Variants in RBFOX1 observed in about 807,000 individuals in gnomAD.
The protein encoded by RBFOX1 is RNA binding fox-1 homolog 1.
Under a neutral mutation model 57.7 loss-of-function variants are expected in RBFOX1, and 8 were observed. The ratio of observed to expected loss-of-function variants is 0.14; its 90% CI spans 0.08 to 0.25. RBFOX1 has a LOEUF of 0.25. Among genes scored for constraint, RBFOX1 ranks in the 10% least tolerant of loss-of-function variants. RBFOX1 has a pLI of 1.00. For synonymous variants in RBFOX1, 326 were observed against 222.4 expected (o/e 1.47, Z -4.15); for missense variants, 611 against 548.5 (o/e 1.11, Z -1.14).
chr16:5,339,470 G>GTTTTTTT (rs560472298), intron 1 of RBFOX1, among the ~76,000 whole-genome samples: 3,094 of 40,860 alleles, frequency 0.076, 1,035 homozygotes, highest in Non-Finnish European at 0.11. Flanking sequence ...CTTTTTCCGT[G>GTTTTTTT]TTTTTTTTTT....
chr16:5,820,874 C>G lies in RBFOX1; in HGVS notation c.319-46429C>G, dbSNP rs1434630304. Among the ~76,000 whole-genome samples the G allele has an allele frequency of 2.6e-5, 4 of 152,150 alleles. No individual in the cohort carries two copies. In the East Asian group the frequency reaches 5.8e-4, roughly 22 times the overall value. ...TTTCATCTCAATTTCGGGAAGTCTT[C>G]TCTCCTCTCTGATTGATGGTTTTCC... On this transcript the variant is annotated intron_variant, in intron 3 of 19. Transcript: ENST00000641259.
chr16:7,453,337 G>A (rs2057774455), intron 4 of RBFOX1, among the ~76,000 whole-genome samples: 1 of 151,986 alleles, frequency 6.6e-6, no homozygotes, highest in Admixed American at 6.6e-5. Flanking sequence ...AGGAATGGAA[G>A]AGATCATTGT....
rs76734177 is a variant in RBFOX1 at position 7,638,331 on chromosome 16, G to A, written c.757+7648G>A. 5.3e-3 allele frequency among the ~76,000 whole-genome samples: 800 copies of A among 152,272 alleles called. 9 individuals are homozygous for A. Among genetic ancestry groups the A allele is most frequent in the African/African-American group, 0.017 (722 of 41,540 alleles). Reference sequence around the variant, plus strand: ...CAGGAGGAAATTTAGGCTTGGGGGCGTTAAGAAGCTTGTCCGAGATCACCC... The same window carrying A: ...CAGGAGGAAATTTAGGCTTGGGGGCATTAAGAAGCTTGTCCGAGATCACCC... On this transcript the variant is annotated intron_variant, in intron 11 of 15. Transcript: ENST00000550418.
intron 4 of RBFOX1, among the ~76,000 whole-genome samples, chr16:7,168,739 A>G (rs1244826836): frequency 4.6e-5 from 7 of 152,184 alleles, no homozygotes; most frequent in African/African-American, 1.7e-4. Flanking sequence ...AAAAATATCC[A>G]TAACACATTA....
At chr16:6,864,455 G>T (rs1453765027) in intron 3 of RBFOX1, among the ~76,000 whole-genome samples, 1 of 151,776 alleles carries the variant, frequency 6.6e-6, no homozygotes, top group East Asian at 1.9e-4. Flanking sequence ...ACATCATCAT[G>T]CCCGAAAAAG....
intron 11 of RBFOX1, among the ~76,000 whole-genome samples, chr16:7,638,848 T>C (rs536161220): frequency 6.6e-6 from 1 of 152,156 alleles, no homozygotes. Flanking sequence ...ACCCATCTCT[T>C]TGTCAGGCCG....
rs146987961 is a variant in RBFOX1 at position 6,381,653 on chromosome 16, C to T, written c.-64+64596C>T. On this transcript the variant is annotated intron_variant, in intron 2 of 15. Transcript: ENST00000550418. ...ATTGAACAGGAGCTCTTCCTCTTGGCTTGTGGCACAGATGAGTTTGCTTCT... is the reference window on the plus strand; with the variant it reads ...ATTGAACAGGAGCTCTTCCTCTTGGTTTGTGGCACAGATGAGTTTGCTTCT... Among the ~76,000 whole-genome samples the T allele has an allele frequency of 6.1e-3, 925 of 152,294 alleles. 12 individuals carry two copies. Among genetic ancestry groups the T allele is most frequent in the African/African-American group, 0.021 (886 of 41,564 alleles).
chr16:6,924,240 T>G (rs2075098591), intron 3 of RBFOX1, among the ~76,000 whole-genome samples: 2 of 151,920 alleles, frequency 1.3e-5, no homozygotes, highest in Admixed American at 6.6e-5. Flanking sequence ...GAAAAGAGGT[T>G]TATTTGACTC....
chr16:6,864,395 T>C (rs990369885), intron 3 of RBFOX1, among the ~76,000 whole-genome samples: 1 of 152,164 alleles, frequency 6.6e-6, no homozygotes, highest in Non-Finnish European at 1.5e-5. Flanking sequence ...TGTTTTACTT[T>C]TGCAGGCACA....
At chr16:7,252,894 G>A (rs1161410975) in intron 4 of RBFOX1, among the ~76,000 whole-genome samples, 2 of 152,000 alleles carry the variant, frequency 1.3e-5, no homozygotes, top group Non-Finnish European at 2.9e-5. Flanking sequence ...ATTTGGCAGA[G>A]CCGTTATCTT....
chr16:7,385,408 C>A (rs149979420), intron 4 of RBFOX1, among the ~76,000 whole-genome samples: 1 of 152,032 alleles, frequency 6.6e-6, no homozygotes, highest in African/African-American at 2.4e-5. Flanking sequence ...CTGGGAAAAC[C>A]CAGTGGAGGT....
At chr16:7,044,110 T>C (rs1317829018) in intron 3 of RBFOX1, among the ~76,000 whole-genome samples, 1 of 152,160 alleles carries the variant, frequency 6.6e-6, no homozygotes, top group Non-Finnish European at 1.5e-5. Context: ...TTTGCTGTTG[T>C]ATTCCTGGCA....
chr16:5,369,577 G>A (rs894307483), intron 1 of RBFOX1, among the ~76,000 whole-genome samples: 27 of 152,196 alleles, frequency 1.8e-4, no homozygotes, highest in African/African-American at 6.5e-4. Context: ...AGGAGACCTC[G>A]GCATCATGCC....
intron 1 of RBFOX1, among the ~76,000 whole-genome samples, chr16:6,049,374 G>C (rs1333042578): frequency 6.6e-6 from 1 of 152,002 alleles, no homozygotes; most frequent in Non-Finnish European, 1.5e-5. Flanking sequence ...TTTAAAAGTA[G>C]AGAGAATAGC....
intron 11 of RBFOX1, 72 bp from the exon 12 acceptor site, chr16:7,653,743 G>A (rs2144792121): frequency 1.3e-6 from 2 of 1,592,632 alleles, no homozygotes; most frequent in Non-Finnish European, 1.7e-6. Context: ...GGTTCCCGGG[G>A]CAGTTCCCTC....
At chr16:6,184,568 C>A (rs1290065473) in intron 1 of RBFOX1, among the ~76,000 whole-genome samples, 2 of 152,056 alleles carry the variant, frequency 1.3e-5, no homozygotes, top group South Asian at 2.1e-4. Context: ...TTTTATTATT[C>A]TTATTATTTT....
chr16:6,007,281 G>T (rs2094933238), intron 4 of RBFOX1, among the ~76,000 whole-genome samples: 1 of 152,184 alleles, frequency 6.6e-6, no homozygotes, highest in Admixed American at 6.5e-5. Flanking sequence ...TTCCCGCTTG[G>T]ATGCTTGCTC....
chr16:7,675,436 A>G (rs1235596011), intron 13 of RBFOX1, among the ~76,000 whole-genome samples: 1 of 151,620 alleles, frequency 6.6e-6, no homozygotes, highest in East Asian at 1.9e-4. Context: ...GTTCTAAATT[A>G]TTGGTGATTA....
rs147779578 is a variant in RBFOX1, at chr16:7,469,988, A to T, written c.28-48159A>T. Among the ~76,000 whole-genome samples, 763 of 148,982 alleles carry T rather than the reference A, an allele frequency of 5.1e-3. 5 individuals are homozygous for T. The highest frequency in any genetic ancestry group is 8.5e-3 in the Non-Finnish European group (575 of 67,534). On this transcript the variant is annotated intron_variant, in intron 4 of 15. Transcript: ENST00000550418. ...AGCATAACGTCTTCAAGGTACATTGATGTGTTCAAGGTGCTACAGCATGGG... is the reference window on the plus strand; with the variant it reads ...AGCATAACGTCTTCAAGGTACATTGTTGTGTTCAAGGTGCTACAGCATGGG...
Sources: gnomAD v4.1 joint callset for allele counts (sites outside exome capture counted in the v4.1 genomes callset) on GRCh38, gnomAD v4.1.1 for gene constraint, MANE v1.5 for transcripts, NCBI Gene and HGNC (gene_info 2026-07-23, HGNC 2026-07-21) for gene names.